Variants in IDO2 observed in about 807,000 individuals in gnomAD.
IDO2 encodes indoleamine 2,3-dioxygenase-like 1 protein.
IDO2 carries 46 observed loss-of-function variants against 45.1 expected under a neutral mutation model. The ratio of observed to expected loss-of-function variants is 1.02; its 90% confidence interval spans 0.80 to 1.30. The LOEUF (loss-of-function observed/expected upper bound fraction) is 1.30, where lower values mean the gene tolerates loss of function less well. IDO2 is among the 50% of genes most tolerant of loss of function. The probability of loss-of-function intolerance (pLI) is 0.00; values close to 1 mark genes in which losing one functional copy is unlikely to be tolerated. For missense variants in IDO2, 544 were observed against 491.8 expected, an observed-to-expected ratio of 1.11 and a Z score of -1.00; for synonymous variants, 218 against 184.9, an observed-to-expected ratio of 1.18 and a Z score of -1.45.
chr8:39,998,835 G>A (rs986048827), intron 8 of IDO2, among the ~76,000 whole-genome samples: 7 of 151,668 alleles, frequency 4.6e-5, no homozygotes, highest in East Asian at 1.9e-4. Context: ...TAGAGACGGG[G>A]TTTTGCCATG....
intron 9 of IDO2, among the ~76,000 whole-genome samples, chr8:40,008,386 C>A (rs931490423): frequency 1.3e-5 from 2 of 152,132 alleles, no homozygotes; most frequent in Non-Finnish European, 2.9e-5. Flanking sequence ...TTGATTCCTT[C>A]TCACCTCTCC....
intron 3 of IDO2, among the ~76,000 whole-genome samples, chr8:39,974,923 G>A (rs1338080015): frequency 4.0e-5 from 6 of 150,338 alleles, no homozygotes; most frequent in East Asian, 2.0e-4. Flanking sequence ...GCGAGACTCC[G>A]TCTAAAAACA....
chr8:39,971,134 T>C (rs1449471014), intron 3 of IDO2, among the ~76,000 whole-genome samples: 1 of 152,184 alleles, frequency 6.6e-6, no homozygotes, highest in African/African-American at 2.4e-5. Context: ...TGTTAGGGGC[T>C]AGTGCAGCTG....
intron 8 of IDO2, among the ~76,000 whole-genome samples, chr8:40,000,253 A>G (rs1290728529): frequency 6.6e-6 from 1 of 152,080 alleles, no homozygotes; most frequent in East Asian, 1.9e-4. Context: ...CTCTCCTAAA[A>G]ATACAAAAAC....
intron 2 of IDO2, among the ~76,000 whole-genome samples, chr8:39,959,976 CTCAA>C (rs541658160): frequency 3.3e-5 from 5 of 152,028 alleles, no homozygotes; most frequent in Non-Finnish European, 5.9e-5. Flanking sequence ...GAAACTGTGT[CTCAA>C]TCAATCAATC....
chr8:40,012,838 T>A (rs1274940213), intron 9 of IDO2, among the ~76,000 whole-genome samples: 1 of 152,158 alleles, frequency 6.6e-6, no homozygotes, highest in East Asian at 1.9e-4. Context: ...TTTCTGCATG[T>A]CCCTGACTTC....
rs562482030 is a variant in IDO2 at position 39,994,287 on chromosome 8, C to T, written c.667+4449C>T. On this transcript the variant is annotated intron_variant, in intron 8 of 10. Coordinates refer to ENST00000502986, the Ensembl canonical transcript of IDO2. ...CTTTTTTTTTTTTGAGATGGAGTTT[C>T]GCTCTTGTTGCCCAGGCTGGGGTGC... Among the ~76,000 whole-genome samples the T allele has an allele frequency of 2.2e-3, 295 of 136,624 alleles. 3 individuals carry two copies. The highest frequency in any genetic ancestry group is 7.4e-3 in the African/African-American group (272 of 36,740). 89.6% of individuals were successfully genotyped at this position (136,624 alleles called of 152,430 possible). A position where few individuals can be genotyped will look rare whatever the true frequency, so the allele number is the denominator to read the frequency against.
At chr8:39,941,851 G>A (rs1007095897) in intron 1 of IDO2, among the ~76,000 whole-genome samples, 2 of 152,070 alleles carry the variant, frequency 1.3e-5, no homozygotes, top group Admixed American at 6.6e-5. Flanking sequence ...TTGGGAGGCC[G>A]AGGCAGAAGG....
intron 9 of IDO2, 50 bp downstream of exon 9, chr8:40,005,428 T>C (rs745610295): frequency 2.4e-6 from 3 of 1,240,930 alleles, no homozygotes; most frequent in East Asian, 4.8e-5. Context: ...TAGCATTGAC[T>C]GAATGTATAA....
At chr8:39,983,601 C>G (rs1808383929) in intron 5 of IDO2, among the ~76,000 whole-genome samples, 1 of 152,120 alleles carries the variant, frequency 6.6e-6, no homozygotes, top group Non-Finnish European at 1.5e-5. Context: ...CGGTGGCTCA[C>G]CCCTGTAATC....
chr8:40,012,212 A>G (rs1802319937), intron 9 of IDO2, among the ~76,000 whole-genome samples: 1 of 152,240 alleles, frequency 6.6e-6, no homozygotes, highest in Non-Finnish European at 1.5e-5. Context: ...TTATAGAAAA[A>G]AAATGTGCAA....
At chr8:39,988,786 A>G (rs548785743) in intron 7 of IDO2, among the ~76,000 whole-genome samples, 1 of 152,232 alleles carries the variant, frequency 6.6e-6, no homozygotes, top group African/African-American at 2.4e-5. Context: ...CATTTCTGCT[A>G]TATTATAGCG....
chr8:39,944,079 G>C (rs1327283815), intron 1 of IDO2, among the ~76,000 whole-genome samples: 1 of 143,586 alleles, frequency 7.0e-6, no homozygotes, highest in Non-Finnish European at 1.5e-5. Context: ...TAATCTGGGA[G>C]CTTCCTGCTT....
chr8:39,979,850 C>T (rs540172047), intron 4 of IDO2, among the ~76,000 whole-genome samples: 12 of 152,266 alleles, frequency 7.9e-5, no homozygotes, highest in African/African-American at 2.4e-4. Flanking sequence ...AACAGGGTTG[C>T]ACCATGTTGC....
chr8:39,970,840 C>G (rs1384714483), intron 3 of IDO2, among the ~76,000 whole-genome samples: 1 of 147,166 alleles, frequency 6.8e-6, no homozygotes, highest in Non-Finnish European at 1.5e-5. Context: ...GATCTCAGCT[C>G]ACTGCAATCT....
At chr8:39,989,912 A>C in intron 8 of IDO2, 74 bp downstream of exon 8, 8 of 918,986 alleles carry the variant, frequency 8.7e-6, no homozygotes, top group Non-Finnish European at 1.3e-5. Flanking sequence ...GGGCCTGGGG[A>C]CCAGGCATGT....
At position 39,978,867 on chromosome 8, in the gene IDO2, G is replaced by C. The variant is rs1220293827; in HGVS notation, c.196-200G>C. Reference sequence around the variant, plus strand: ...GGTTAGGTTCTTCCTGAGCAAAGTCGTGTGGACCACCTCCTATACTACAGG... The same window carrying C: ...GGTTAGGTTCTTCCTGAGCAAAGTCCTGTGGACCACCTCCTATACTACAGG... On this transcript the variant is annotated intron_variant, in intron 3 of 10. Coordinates refer to ENST00000502986, the Ensembl canonical transcript of IDO2. 3.3e-5 allele frequency among the ~76,000 whole-genome samples: 5 copies of C among 152,094 alleles called. No individual in the cohort carries two copies. In the South Asian group the frequency reaches 1.0e-3, roughly 32 times the overall value.
intron 3 of IDO2, among the ~76,000 whole-genome samples, chr8:39,966,312 C>T (rs1808085195): frequency 6.6e-6 from 1 of 152,128 alleles, no homozygotes; most frequent in Non-Finnish European, 1.5e-5. Context: ...CAGGCCTGAG[C>T]CACCATGCAC....
chr8:40,009,301 C>T (rs1333928682), intron 9 of IDO2, among the ~76,000 whole-genome samples: 2 of 152,198 alleles, frequency 1.3e-5, no homozygotes, highest in Non-Finnish European at 2.9e-5. Context: ...AGGCATGAGC[C>T]ACCACACCTG....
Sources: allele counts gnomAD v4.1 joint callset (sites outside exome capture counted in the v4.1 genomes callset), GRCh38; gene constraint gnomAD v4.1.1; transcripts MANE v1.5; gene names NCBI Gene and HGNC (gene_info 2026-07-23, HGNC 2026-07-21).